The following AGBL4 variants were observed in gnomAD, a reference collection of about 807,000 sequenced individuals.
AGBL4 encodes AGBL carboxypeptidase 4.
Under a neutral mutation model 66.4 loss-of-function variants are expected in AGBL4, and 58 were observed. That is an observed-to-expected ratio of 0.87 (90% confidence interval 0.71 to 1.09). The LOEUF (loss-of-function observed/expected upper bound fraction) is 1.09, where lower values mean the gene tolerates loss of function less well. AGBL4 is among the 50% of genes least tolerant of loss of function. AGBL4 has a pLI of 0.00. For missense variants in AGBL4, 579 were observed against 631.0 expected (o/e 0.92, Z 0.88); for synonymous variants, 234 against 222.9 (o/e 1.05, Z -0.44).
chr1:49,879,939 C>G (rs1179455262), intron 1 of AGBL4, among the ~76,000 whole-genome samples: 1 of 144,062 alleles, frequency 6.9e-6, no homozygotes, highest in Admixed American at 7.0e-5. Context: ...ACCCTTTCTT[C>G]CAGTTGATCG....
rs556830779 is a variant in AGBL4, at chr1:49,702,632, A to T, written c.158-5195T>A. The stretch of plus-strand genomic sequence containing the variant: ...AGATGGAGAGATCATGATGACAAAA[A>T]CAAAAACAATAACAAATAAAAAATA... On this transcript the variant is annotated intron_variant, in intron 2 of 13. Transcript: ENST00000371839. Among the ~76,000 whole-genome samples, 5 of 152,272 alleles carry T rather than the reference A, an allele frequency of 3.3e-5. No homozygotes were observed. In the East Asian group the frequency reaches 9.6e-4, roughly 29 times the overall value.
intron 3 of AGBL4, among the ~76,000 whole-genome samples, chr1:49,573,700 T>C (rs1352897658): frequency 6.6e-6 from 1 of 152,098 alleles, no homozygotes; most frequent in Admixed American, 6.5e-5. Context: ...AGACATGAGC[T>C]CTTATAATGT....
chr1:49,356,561 C>T (rs1293144606), intron 3 of AGBL4, among the ~76,000 whole-genome samples: 1 of 152,212 alleles, frequency 6.6e-6, no homozygotes, highest in Non-Finnish European at 1.5e-5. Flanking sequence ...ACTATCAGCA[C>T]AGCAAACAGT....
intron 3 of AGBL4, among the ~76,000 whole-genome samples, chr1:49,331,063 A>C (rs747768880): frequency 6.6e-6 from 1 of 152,186 alleles, no homozygotes; most frequent in Non-Finnish European, 1.5e-5. Flanking sequence ...CCCTTGGTTC[A>C]GGAGATTCCC....
At position 49,761,680 on chromosome 1, in the gene AGBL4, T is replaced by C. The variant is rs557753048; in HGVS notation, c.158-64243A>G. ...TATTTAGTATATCCATCACCAAACA[T>C]CTATGATTTCTTTGTGATAAGAGCA... On this transcript the variant is annotated intron_variant, in intron 2 of 13. Transcript: ENST00000371839. 2.0e-5 allele frequency among the ~76,000 whole-genome samples: 3 copies of C among 152,322 alleles called. No homozygotes were observed. In the South Asian group the frequency reaches 6.2e-4, roughly 32 times the overall value.
chr1:49,086,870 C>T (rs1386791278), intron 4 of AGBL4, among the ~76,000 whole-genome samples: 5 of 151,774 alleles, frequency 3.3e-5, no homozygotes, highest in African/African-American at 1.2e-4. Flanking sequence ...CTGAGGGAGC[C>T]CCATGGACCA....
intron 3 of AGBL4, among the ~76,000 whole-genome samples, chr1:49,332,091 TGTTA>T (rs1333190572): frequency 1.3e-5 from 2 of 152,194 alleles, no homozygotes; most frequent in Non-Finnish European, 2.9e-5. Context: ...GAGGCTAGTT[TGTTA>T]GTTGTTTGCT....
At chr1:48,783,377 G>A (rs1054082828) in intron 6 of AGBL4, among the ~76,000 whole-genome samples, 3 of 152,242 alleles carry the variant, frequency 2.0e-5, no homozygotes, top group African/African-American at 7.2e-5. Flanking sequence ...GCAATGCAGA[G>A]GGGGAAGGAA....
intron 1 of AGBL4, among the ~76,000 whole-genome samples, chr1:49,902,837 T>A (rs1480704135): frequency 7.2e-5 from 11 of 152,250 alleles, no homozygotes; most frequent in African/African-American, 1.7e-4. Flanking sequence ...CTATTATTTT[T>A]AAAAATTAAA....
intron 5 of AGBL4, among the ~76,000 whole-genome samples, chr1:48,907,512 G>A (rs940493738): frequency 2.6e-5 from 4 of 152,056 alleles, no homozygotes; most frequent in Admixed American, 6.6e-5. Context: ...AGCAAGCCAG[G>A]GGGGAAAGGC....
intron 4 of AGBL4, among the ~76,000 whole-genome samples, chr1:49,173,317 A>G (rs923604535): frequency 6.6e-5 from 10 of 152,182 alleles, no homozygotes; most frequent in Admixed American, 5.2e-4. Flanking sequence ...TCATGCCATT[A>G]TTTTACTGAT....
chr1:49,107,187 C>G (rs534030600), intron 4 of AGBL4, among the ~76,000 whole-genome samples: 98 of 152,172 alleles, frequency 6.4e-4, no homozygotes, highest in South Asian at 1.5e-3. Flanking sequence ...AATTAGTACT[C>G]ATATAGCCAT....
intron 6 of AGBL4, among the ~76,000 whole-genome samples, chr1:48,810,074 T>C (rs1287567148): frequency 6.6e-6 from 1 of 152,214 alleles, no homozygotes; most frequent in African/African-American, 2.4e-5. Context: ...CTCGAAACTC[T>C]GTTAAAGAAT....
chr1:49,404,261 A>G (rs531897809), intron 3 of AGBL4, among the ~76,000 whole-genome samples: 273 of 152,336 alleles, frequency 1.8e-3, no homozygotes, highest in Non-Finnish European at 2.8e-3. Context: ...CTTATAGGAA[A>G]ATACACCAGA....
chr1:48,610,737 C>T (rs1468730222), intron 9 of AGBL4, among the ~76,000 whole-genome samples: 1 of 152,138 alleles, frequency 6.6e-6, no homozygotes, highest in African/African-American at 2.4e-5. Context: ...CTAACTTTTA[C>T]TTTCCCAGTG....
At chr1:49,314,354 G>A (rs1644998972) in intron 3 of AGBL4, among the ~76,000 whole-genome samples, 1 of 151,886 alleles carries the variant, frequency 6.6e-6, no homozygotes, top group Admixed American at 6.6e-5. Context: ...TCTACATTAG[G>A]TATTTCTCCT....
intron 9 of AGBL4, 191 bp downstream of exon 9, chr1:48,634,302 A>G (rs541920094): frequency 4.3e-6 from 2 of 461,178 alleles, no homozygotes; most frequent in Non-Finnish European, 7.9e-6. Context: ...TATTTGTGAG[A>G]GGTTGCAGGA....
At chr1:49,894,221 C>T (rs977742555) in intron 1 of AGBL4, among the ~76,000 whole-genome samples, 1 of 152,070 alleles carries the variant, frequency 6.6e-6, no homozygotes, top group Non-Finnish European at 1.5e-5. Context: ...GAAGTCCTTA[C>T]AAATACCTAA....
chr1:49,766,186 A>G lies in AGBL4; in HGVS notation c.158-68749T>C, dbSNP rs1254821277. ...TAAAGCAAAAATCTTAAAGGCAGCT[A>G]TGCAAAAAGGTGAGAACACATATAA... is the stretch of plus-strand genomic sequence containing the variant. On this transcript the variant is annotated intron_variant, in intron 2 of 13. Transcript: ENST00000371839. Among the ~76,000 whole-genome samples, 3 of 152,184 alleles carry G rather than the reference A, an allele frequency of 2.0e-5. No homozygotes were observed. The East Asian group carries it at 5.8e-4, about 29-fold the overall frequency.
Sources: allele counts gnomAD v4.1 joint callset (sites outside exome capture counted in the v4.1 genomes callset), GRCh38; gene constraint gnomAD v4.1.1; transcripts MANE v1.5; gene names NCBI Gene and HGNC (gene_info 2026-07-23, HGNC 2026-07-21).